The following SARDH variants were observed in gnomAD, a reference collection of about 807,000 sequenced individuals.
SARDH encodes sarcosine dehydrogenase, mitochondrial.
Under a neutral mutation model 109.1 loss-of-function variants are expected in SARDH, and 95 were observed. The observed-to-expected ratio is 0.87, with a 90% CI of 0.74 to 1.03. SARDH has a LOEUF of 1.03. Among genes scored for constraint, SARDH ranks in the 50% least tolerant of loss-of-function variants. The pLI is 0.00. For missense variants in SARDH, 1,267 were observed against 1,287.8 expected, an observed-to-expected ratio of 0.98 and a Z score of 0.25; for synonymous variants, 572 against 534.8, an observed-to-expected ratio of 1.07 and a Z score of -0.96.
chr9:133,730,899 C>A (rs898706190), intron 4 of SARDH, among the ~76,000 whole-genome samples: 3 of 152,118 alleles, frequency 2.0e-5, no homozygotes, highest in Non-Finnish European at 4.4e-5. Flanking sequence ...ATGGCATGAA[C>A]CCGGGAGGCA....
chr9:133,737,320 G>A (rs1200821878), intron 1 of SARDH, among the ~76,000 whole-genome samples: 1 of 152,236 alleles, frequency 6.6e-6, no homozygotes, highest in African/African-American at 2.4e-5. Context: ...GGAGTGAGGA[G>A]GTGTTGGAGC....
rs1832829603 is a variant in SARDH, at chr9:133,734,861, A to G, written c.-30-658T>C. On this transcript the variant is annotated intron_variant, in intron 1 of 20. Coordinates refer to ENST00000439388, the MANE Select transcript of SARDH (RefSeq NM_001134707.2). ...AGCCTTGAGAGCCCTTTCGGAGCTC[A>G]AGATGCTCCTGAGGGGCCAAGCAGC... is the stretch of plus-strand genomic sequence containing the variant. 2.6e-5 allele frequency among the ~76,000 whole-genome samples: 4 copies of G among 152,300 alleles called. No homozygotes were observed. In the South Asian group the frequency reaches 8.3e-4, roughly 32 times the overall value.
chr9:133,670,037 G>A (rs939892205), intron 19 of SARDH, among the ~76,000 whole-genome samples: 1 of 152,228 alleles, frequency 6.6e-6, no homozygotes, highest in Non-Finnish European at 1.5e-5. Context: ...CACTGGCCTG[G>A]TTTGAATCCC....
At position 133,732,488 on chromosome 9, in the gene SARDH, G is replaced by C; in HGVS notation, c.445C>G (p.Gln149Glu). 6.2e-7 allele frequency: 1 copy of C among 1,612,576 alleles called. No homozygotes were observed. Among genetic ancestry groups the C allele is most frequent in the African/African-American group, 1.3e-5 (1 of 74,616 alleles). The change falls in exon 3 of 21, where the codon CAG becomes GAG. Residue 149 changes from glutamine to glutamate, a missense_variant. Coordinates refer to ENST00000439388, the MANE Select transcript of SARDH (RefSeq NM_001134707.2). ...GACGCGATGAAGAGGCCCCCATTCT[G>C]GATCCAGCCCGTGTGTAGTCCCGTC... ...EETGLHTGWIQNGGLFIASNR... is the reference protein window; with the variant it reads ...EETGLHTGWIENGGLFIASNR...
In SARDH at chr9:133,689,037, G is replaced by A. The variant is rs188692651; in HGVS notation, c.2069+1343C>T. ...GCCTAGGACTCAGCGTGGGGTGCCA[G>A]GGAAAGCGGACCCCATGGCAGAGTC... On this transcript the variant is annotated intron_variant, in intron 16 of 20. Transcript: ENST00000439388. 3.7e-3 allele frequency among the ~76,000 whole-genome samples: 568 copies of A among 152,290 alleles called. 2 individuals are homozygous for A. Among genetic ancestry groups the A allele is most frequent in the Middle Eastern group, 0.014 (4 of 294 alleles).
At chr9:133,674,629 G>A (rs965450059) in intron 17 of SARDH, among the ~76,000 whole-genome samples, 13 of 152,220 alleles carry the variant, frequency 8.5e-5, no homozygotes, top group African/African-American at 2.9e-4. Context: ...AGGGCGCTGA[G>A]GCCACTCATG....
At chr9:133,661,481 C>T (rs568102205), downstream of SARDH, among the ~76,000 whole-genome samples, 2 of 151,268 alleles carry the variant, frequency 1.3e-5, no homozygotes, top group African/African-American at 2.4e-5. Flanking sequence ...TAGGCACTTT[C>T]TTTTTTTTGT....
At position 133,692,624 on chromosome 9, in the gene SARDH, T is replaced by C. The variant is rs114505517; in HGVS notation, c.1921+1634A>G. On this transcript the variant is annotated intron_variant, in intron 15 of 20. Coordinates refer to ENST00000439388, the MANE Select transcript of SARDH (RefSeq NM_001134707.2). The surrounding 1 kb of genome is among the most constrained non-coding windows in gnomAD (Gnocchi z 5.0). ...TTTCCCATCCCCTTGCATGTCCCCC[T>C]CCAGGTGTTACGGGGCCCTTCCTGC... Among the ~76,000 whole-genome samples the C allele has an allele frequency of 8.2e-3, 1,254 of 152,152 alleles. 19 individuals carry two copies. The highest frequency in any genetic ancestry group is 0.029 in the African/African-American group (1,190 of 41,504).
At chr9:133,694,220 C>T (rs373441326) in intron 15 of SARDH, 38 bp downstream of exon 15, 39 of 1,442,752 alleles carry the variant, frequency 2.7e-5, no homozygotes, top group Admixed American at 4.1e-5. Flanking sequence ...CAGAGCAGGC[C>T]GCAGTCACAG....
At chr9:133,721,887 G>A (rs923918545) in intron 6 of SARDH, among the ~76,000 whole-genome samples, 4 of 152,050 alleles carry the variant, frequency 2.6e-5, no homozygotes, top group African/African-American at 4.8e-5. Context: ...AGGCCAAGGC[G>A]GGAGGGTCAT....
At chr9:133,684,983 G>A (rs1294616084) in intron 17 of SARDH, among the ~76,000 whole-genome samples, 1 of 152,214 alleles carries the variant, frequency 6.6e-6, no homozygotes, top group Admixed American at 6.5e-5. Flanking sequence ...GATGGAAGAC[G>A]CTGTGACTTT....
intron 8 of SARDH, 147 bp downstream of exon 8, chr9:133,717,179 G>A (rs1439746223): frequency 2.1e-6 from 2 of 967,974 alleles, no homozygotes; most frequent in Non-Finnish European, 1.5e-6. Flanking sequence ...TAGTACCCAG[G>A]GCTGCTGGAG....
intron 6 of SARDH, among the ~76,000 whole-genome samples, chr9:133,724,777 C>T (rs2131485287): frequency 6.6e-6 from 1 of 152,064 alleles, no homozygotes; most frequent in Middle Eastern, 3.4e-3. Context: ...CATCCCCAAA[C>T]CAAAAATCAA....
Position 133,694,351 on chromosome 9 carries a change from T to C in SARDH, c.1828A>G (p.Met610Val). The change falls in exon 15 of 21, where the codon ATG becomes GTG. Residue 610 changes from methionine to valine, a missense_variant. Physicochemically the swap from Met to Val is conservative, Grantham distance 21. Coordinates refer to ENST00000439388, the MANE Select transcript of SARDH (RefSeq NM_001134707.2). ...RPPGSTVYTC[M>V]LNHRGGTESD... ...TCGGTGCCCCCACGGTGGTTGAGCA[T>C]GCACGTGTACACGGTGGAGCCTGCG... 6.4e-7 allele frequency: 1 copy of C among 1,550,624 alleles called. No individual in the cohort carries two copies. The highest frequency in any genetic ancestry group is 8.7e-7 in the Non-Finnish European group (1 of 1,146,902).
rs1040120030 is a variant in SARDH, at chr9:133,704,064, C to T, written c.1554+884G>A. ...GTTGCACTTCAAGACAGGGTCTGCC[C>T]AGACCCCTCCTCCCCGCAGGGTTCA... On this transcript the variant is annotated intron_variant, in intron 12 of 20. Coordinates refer to ENST00000439388, the MANE Select transcript of SARDH (RefSeq NM_001134707.2). The surrounding 1 kb of genome is among the most constrained non-coding windows in gnomAD (Gnocchi z 4.5). Among the ~76,000 whole-genome samples, 3 of 152,094 alleles carry T rather than the reference C, an allele frequency of 2.0e-5. No homozygotes were observed. Among genetic ancestry groups the T allele is most frequent in the African/African-American group, 7.2e-5 (3 of 41,416 alleles).
At chr9:133,721,220 G>T (rs781669037) in intron 6 of SARDH, among the ~76,000 whole-genome samples, 3 of 152,220 alleles carry the variant, frequency 2.0e-5, no homozygotes, top group Non-Finnish European at 4.4e-5. Context: ...CTGCACCAAG[G>T]CCACGCCGTG....
At chr9:133,673,078 G>C (rs144435324) in intron 17 of SARDH, among the ~76,000 whole-genome samples, 7 of 152,344 alleles carry the variant, frequency 4.6e-5, no homozygotes, top group African/African-American at 1.7e-4. Context: ...GCACTGAGCA[G>C]GGCCTAGGCA....
Position 133,725,236 on chromosome 9 carries a change from C to T in SARDH, c.915+4529G>A, listed in dbSNP as rs562619457. On this transcript the variant is annotated intron_variant, in intron 6 of 20. Transcript: ENST00000439388. ...GTGGGAAATGGGGAGTGATTGATAA[C>T]GGGTATGGGTTTTGGGGCATGAAGA... is the stretch of plus-strand genomic sequence containing the variant. Among the ~76,000 whole-genome samples the T allele has an allele frequency of 1.4e-4, 22 of 152,170 alleles. No homozygotes were observed. In the East Asian group the frequency reaches 1.9e-3, roughly 13 times the overall value.
intron 8 of SARDH, among the ~76,000 whole-genome samples, chr9:133,716,014 A>G (rs1832108359): frequency 6.6e-6 from 1 of 152,226 alleles, no homozygotes; most frequent in Non-Finnish European, 1.5e-5. Flanking sequence ...GGGGAACACC[A>G]TGTGATTCTG....
Sources: allele counts gnomAD v4.1 joint callset (sites outside exome capture counted in the v4.1 genomes callset), GRCh38; gene constraint gnomAD v4.1.1; non-coding constraint Gnocchi (gnomAD v3.1); transcripts MANE v1.5; gene names NCBI Gene and HGNC (gene_info 2026-07-23, HGNC 2026-07-21).